ARHGAP29: variants seen among roughly 807,000 people sequenced by gnomAD.
The protein encoded by ARHGAP29 is rho GTPase-activating protein 29.
Under a neutral mutation model 122.6 loss-of-function variants are expected in ARHGAP29, and 43 were observed. That is an observed-to-expected ratio of 0.35 (90% CI 0.27 to 0.45). The LOEUF is 0.45. Among genes scored for constraint, ARHGAP29 ranks in the 20% least tolerant of loss-of-function variants. The pLI is 1.00. For synonymous variants in ARHGAP29, 506 were observed against 497.1 expected (o/e 1.02, Z -0.24); for missense variants, 1,303 against 1,477.2 (o/e 0.88, Z 1.93).
the ARHGAP29 span, among the ~76,000 whole-genome samples, chr1:94,284,219 A>G: frequency 6.6e-6 from 1 of 152,212 alleles, no homozygotes; most frequent in East Asian, 1.9e-4. Context: ...AGCTTTACTT[A>G]TAGTAATTTC....
rs770441646 is a variant in ARHGAP29, at chr1:94,169,924, T to C, written c.*3945A>G. Among the ~76,000 whole-genome samples, 4 of 152,108 alleles carry C rather than the reference T, an allele frequency of 2.6e-5. No homozygotes were observed. Among genetic ancestry groups the C allele is most frequent in the Non-Finnish European group, 5.9e-5 (4 of 68,010 alleles). ...ATAAGTGACAATAATACACTGTCAC[T>C]GAATAAAGCAGGCATTCATGAATCT... On this transcript the variant is annotated 3_prime_UTR_variant, in exon 23 of 23. Transcript: ENST00000260526.
At chr1:94,177,015 T>C (rs887012876) in intron 22 of ARHGAP29, 1 of 151,894 alleles carries the variant, frequency 6.6e-6, no homozygotes, top group African/African-American at 2.4e-5. Flanking sequence ...AATGTAGAAA[T>C]GACAATACAA....
chr1:94,180,564 G>A (rs956951426), intron 19 of ARHGAP29, among the ~76,000 whole-genome samples: 2 of 152,130 alleles, frequency 1.3e-5, no homozygotes, highest in Non-Finnish European at 2.9e-5. Context: ...GGGTACCTCT[G>A]ACTACTACCT....
Position 94,177,676 on chromosome 1 carries a change from A to G in ARHGAP29, c.2841T>C (p.Ala947=), listed in dbSNP as rs1288833356. The G allele has an allele frequency of 3.1e-6, 5 of 1,613,312 alleles. No individual in the cohort carries two copies. In the African/African-American group the frequency reaches 4.0e-5, roughly 13 times the overall value. ...TGCGTTCTGATTCCTCAAATGATGT[A>G]GCTCGTTCAAAAATTTTGCTTTCAC... is the stretch of plus-strand genomic sequence containing the variant. ...SESESKIFER[A]TSFEESERKQ... Residue 947 remains alanine (A), a synonymous_variant, in exon 22 of 23, where the codon GCT becomes GCC. Transcript: ENST00000260526.
Position 94,205,653 on chromosome 1 carries a change from C to T in ARHGAP29, c.541G>A (p.Asp181Asn). 6.2e-7 allele frequency: 1 copy of T among 1,612,430 alleles called. No homozygotes were observed. The highest frequency in any genetic ancestry group is 1.1e-5 in the South Asian group (1 of 90,716). ...GCATTACCTTTTTCACTGGATGAGT[C>T]CACTGATTCCACAGAAACATTTTCA... ...SFENVSVESV[D>N]SSSEKGNFSP... Residue 181 changes from aspartate to asparagine, a missense_variant, in exon 6 of 23, where the codon GAC (aspartate) becomes AAC (asparagine). This residue lies in a region of ARHGAP29 where 592 missense variants were observed against 648.2 expected (regional missense o/e 0.91). Transcript: ENST00000260526.
At chr1:94,184,500 C>T (rs1649669937) in intron 18 of ARHGAP29, among the ~76,000 whole-genome samples, 1 of 152,080 alleles carries the variant, frequency 6.6e-6, no homozygotes, top group South Asian at 2.1e-4. Flanking sequence ...TGGCCAGGTG[C>T]CTGGGAGGTG....
rs750481039 is a variant in ARHGAP29, at chr1:94,203,997, G to A, written c.698-3C>T. 6.2e-7 allele frequency: 1 copy of A among 1,613,222 alleles called. No homozygotes were observed. Among genetic ancestry groups the A allele is most frequent in the Non-Finnish European group, 8.5e-7 (1 of 1,179,480 alleles). On this transcript the variant is annotated splice_polypyrimidine_tract_variant and splice_region_variant and intron_variant, in intron 7 of 22. Transcript: ENST00000260526. ...CATATTTCTAGTGGACTCCAATTCT[G>A]AAAAGTTCAAAGAGGGTATCAGAAG...
intron 5 of ARHGAP29, 116 bp from the exon 6 acceptor site, chr1:94,205,799 A>G (rs1204478651): frequency 2.3e-6 from 2 of 879,448 alleles, no homozygotes; most frequent in African/African-American, 3.4e-5. Context: ...AATTTCAAGT[A>G]TTTAAAACTT....
At chr1:94,251,714 T>A (rs533192005) in intron 1 of ARHGAP29, among the ~76,000 whole-genome samples, 2 of 152,344 alleles carry the variant, frequency 1.3e-5, no homozygotes, top group East Asian at 3.9e-4. Context: ...CTACGTGACT[T>A]GTTCCTTGCT....
chr1:94,174,701 T>C lies in ARHGAP29; in HGVS notation c.2954A>G (p.Lys985Arg). 6.2e-7 allele frequency: 1 copy of C among 1,614,084 alleles called. No homozygotes were observed. Among genetic ancestry groups the C allele is most frequent in the Non-Finnish European group, 8.5e-7 (1 of 1,180,026 alleles). Residue 985 changes from lysine to arginine, a missense_variant, in exon 23 of 23, where the codon AAG becomes AGG. Physicochemically the swap from Lys to Arg is conservative, Grantham distance 26. Transcript: ENST00000260526. ...CTTAGGGGTTTTACCATCTTCTATC[T>C]TTTGGGATGCTGATTCAGCCTCTTG... Reference protein sequence around the residue: ...LDQEAESASQKIEDGKTPKPL... With the variant: ...LDQEAESASQRIEDGKTPKPL...
At chr1:94,270,373 G>C (rs137916591) in intron 1 of ARHGAP29, among the ~76,000 whole-genome samples, 24 of 152,342 alleles carry the variant, frequency 1.6e-4, no homozygotes, top group African/African-American at 5.3e-4. Flanking sequence ...TTGAGAAATA[G>C]CTCTTGATGT....
intron 1 of ARHGAP29, among the ~76,000 whole-genome samples, chr1:94,269,741 G>A (rs565047901): frequency 1.3e-5 from 2 of 152,108 alleles, no homozygotes; most frequent in East Asian, 1.9e-4. Context: ...GGTGCTGGGG[G>A]TATAGTAGGG....
chr1:94,215,469 C>T (rs1651905313), intron 3 of ARHGAP29, among the ~76,000 whole-genome samples: 1 of 151,892 alleles, frequency 6.6e-6, no homozygotes, highest in South Asian at 2.1e-4. Context: ...CCTGGGCATA[C>T]AACTAAACAA....
intron 12 of ARHGAP29, among the ~76,000 whole-genome samples, chr1:94,200,006 A>G (rs1335922322): frequency 3.3e-5 from 5 of 152,192 alleles, no homozygotes; most frequent in East Asian, 1.9e-4. Context: ...AACGGATCAT[A>G]TATCTATATG....
chr1:94,177,813 T>C, intron 21 of ARHGAP29, 39 bp downstream of exon 21: 1 of 1,558,210 alleles, frequency 6.4e-7, no homozygotes, highest in Non-Finnish European at 8.7e-7. Context: ...ACATAAATAT[T>C]ACAAAGTTCT....
chr1:94,180,038 AT>A, intron 19 of ARHGAP29, 81 bp from the exon 20 acceptor site: 1 of 900,252 alleles, frequency 1.1e-6, no homozygotes, highest in Non-Finnish European at 1.7e-6. Flanking sequence ...TTACAGAGTG[AT>A]TTAGCATGTC....
the ARHGAP29 span, among the ~76,000 whole-genome samples, chr1:94,281,590 C>G: frequency 2.0e-5 from 3 of 152,164 alleles, no homozygotes; most frequent in Non-Finnish European, 4.4e-5. Flanking sequence ...TAGAGAATTG[C>G]AATCACACAT....
At chr1:94,205,784 TAAAGAATTTCA>T in intron 5 of ARHGAP29, 101 bp from the exon 6 acceptor site, 1 of 1,000,516 alleles carries the variant, frequency 1.0e-6, no homozygotes, top group Non-Finnish European at 1.5e-6. Context: ...TAATTCCTGC[TAAAGAATTTCA>T]AGTATTTAAA....
chr1:94,296,387 T>C, the ARHGAP29 span, among the ~76,000 whole-genome samples: 18 of 152,228 alleles, frequency 1.2e-4, no homozygotes, highest in Admixed American at 7.2e-4. Context: ...GCTGGCATAT[T>C]TTTATAATTG....
Sources: allele counts gnomAD v4.1 joint callset (sites outside exome capture counted in the v4.1 genomes callset), GRCh38; gene constraint gnomAD v4.1.1; regional missense constraint gnomAD v4.1.1; transcripts MANE v1.5; gene names NCBI Gene and HGNC (gene_info 2026-07-23, HGNC 2026-07-21).